The following DDHD1 variants were observed in gnomAD, a reference collection of about 807,000 sequenced individuals.
DDHD1 encodes the protein phospholipase DDHD1.
A neutral mutation model predicts 96.4 loss-of-function variants in DDHD1; 49 were observed. That is an observed-to-expected ratio of 0.51 (90% CI 0.40 to 0.64). The LOEUF (loss-of-function observed/expected upper bound fraction) is 0.64, where lower values mean the gene tolerates loss of function less well. DDHD1 is among the 30% of genes least tolerant of loss of function. The probability of loss-of-function intolerance (pLI) is 0.00; values close to 1 mark genes in which losing one functional copy is unlikely to be tolerated. For missense variants in DDHD1, 1,106 were observed against 1,161.2 expected, an observed-to-expected ratio of 0.95 and a Z score of 0.69; for synonymous variants, 442 against 446.5, an observed-to-expected ratio of 0.99 and a Z score of 0.13.
intron 6 of DDHD1, among the ~76,000 whole-genome samples, chr14:53,063,466 C>T (rs1341608934): frequency 6.6e-6 from 1 of 151,436 alleles, no homozygotes; most frequent in Non-Finnish European, 1.5e-5. Flanking sequence ...ACTGTATAAG[C>T]CAGCAGTTCC....
rs184336796 is a variant in DDHD1, at chr14:53,152,863, G to A, written c.236C>T (p.Ala79Val). ...CTCGTCACTGAGGCAGGGGTCCAGC[G>A]CGAGGTGGTGGTTGTGGTCGTCGGT... ...PGTDDHNHHL[A>V]LDPCLSDENY... Residue 79 changes from alanine to valine, a missense_variant, in exon 1 of 13, where the codon GCG becomes GTG. Ala to Val is a moderately conservative substitution (Grantham distance 64). This residue lies in a region of DDHD1 where 456 missense variants were observed against 402.4 expected (regional missense o/e 1.13). Coordinates refer to ENST00000673822, the MANE Select transcript of DDHD1 (RefSeq NM_001160148.2). 1.7e-5 allele frequency: 28 copies of A among 1,611,610 alleles called. No homozygotes were observed. Among genetic ancestry groups the A allele is most frequent in the Non-Finnish European group, 2.4e-5 (28 of 1,179,112 alleles).
intron 1 of DDHD1, among the ~76,000 whole-genome samples, chr14:53,139,843 C>CAA (rs56999105): frequency 9.5e-4 from 125 of 131,234 alleles, no homozygotes; most frequent in African/African-American, 3.4e-3. Flanking sequence ...CAAGAGACCA[C>CAA]AAAAAAAAAA....
At chr14:53,069,536 TA>T (rs1242696502) in intron 6 of DDHD1, among the ~76,000 whole-genome samples, 1 of 152,230 alleles carries the variant, frequency 6.6e-6, no homozygotes, top group Non-Finnish European at 1.5e-5. Flanking sequence ...TAGTATAGTG[TA>T]ACCATAATTT....
Position 53,068,589 on chromosome 14 carries a change from C to G in DDHD1, c.1503+4008G>C, listed in dbSNP as rs1037576977. On this transcript the variant is annotated intron_variant, in intron 6 of 12. Transcript: ENST00000673822. ...TTTACAGAATACAGTCTCATTGCTA[C>G]TTTTTATTACAACATCCTCATTTTG... Among the ~76,000 whole-genome samples, 18 of 152,206 alleles carry G rather than the reference C, an allele frequency of 1.2e-4. No individual in the cohort carries two copies. The East Asian group carries it at 2.1e-3, about 18-fold the overall frequency.
chr14:53,091,679 C>A, intron 4 of DDHD1, 106 bp downstream of exon 4: 1 of 1,241,008 alleles, frequency 8.1e-7, no homozygotes, highest in Non-Finnish European at 1.1e-6. Context: ...ATAGTTGGCA[C>A]TGGAGGAACA....
chr14:53,098,236 AATTT>A (rs1340086858), intron 2 of DDHD1, among the ~76,000 whole-genome samples: 2 of 152,116 alleles, frequency 1.3e-5, no homozygotes, highest in East Asian at 1.9e-4. Flanking sequence ...TGCAAATGCT[AATTT>A]ATTAGTGCTA....
chr14:53,139,575 G>A (rs561495189), intron 1 of DDHD1, among the ~76,000 whole-genome samples: 4 of 152,108 alleles, frequency 2.6e-5, no homozygotes, highest in South Asian at 2.1e-4. Context: ...AACGTCTAGC[G>A]AAATACAAGG....
intron 4 of DDHD1, among the ~76,000 whole-genome samples, chr14:53,090,826 C>A (rs983489687): frequency 2.0e-5 from 3 of 151,496 alleles, no homozygotes; most frequent in African/African-American, 7.3e-5. Flanking sequence ...ACATATGTAA[C>A]AATCCTGCAG....
At chr14:53,069,291 C>T (rs1884313791) in intron 6 of DDHD1, among the ~76,000 whole-genome samples, 1 of 152,108 alleles carries the variant, frequency 6.6e-6, no homozygotes, top group South Asian at 2.1e-4. Context: ...GGTGTCTTTG[C>T]TTATTGGCCA....
At chr14:53,076,970 GCTTA>G (rs1410908791) in intron 4 of DDHD1, among the ~76,000 whole-genome samples, 2 of 152,126 alleles carry the variant, frequency 1.3e-5, no homozygotes, top group African/African-American at 4.8e-5. Flanking sequence ...TGTGCAACTT[GCTTA>G]ATTATGATAT....
chr14:53,085,517 G>A (rs963628824), intron 4 of DDHD1, among the ~76,000 whole-genome samples: 5 of 152,180 alleles, frequency 3.3e-5, no homozygotes, highest in Admixed American at 3.3e-4. Context: ...GGTCTGGAGT[G>A]GACCTCCAGC....
chr14:53,123,154 A>T (rs1457624927), intron 1 of DDHD1, among the ~76,000 whole-genome samples: 1 of 131,244 alleles, frequency 7.6e-6, no homozygotes, highest in Non-Finnish European at 1.6e-5. Context: ...TATTATTATT[A>T]TTATTATTTT....
chr14:53,038,656 T>C lies in DDHD1; in HGVS notation c.*8112A>G, dbSNP rs1881432929. 6.6e-6 allele frequency: 1 copy of C among 151,742 alleles called. No individual in the cohort carries two copies. The highest frequency in any genetic ancestry group is 2.1e-4 in the South Asian group (1 of 4,816). The allele number at this position is 151,742 out of a possible 1,614,324, so 9.4% of individuals were successfully genotyped here. ...CTACCAACCTCATTTTTCACAGAGG[T>C]TGGAACATTTTCACAGAATTAGAAA... is the stretch of plus-strand genomic sequence containing the variant. On this transcript the variant is annotated 3_prime_UTR_variant, in exon 13 of 13. Transcript: ENST00000673822.
Position 53,054,528 on chromosome 14 carries a change from C to T in DDHD1, c.2347G>A (p.Asp783Asn). The T allele has an allele frequency of 6.2e-7, 1 of 1,614,134 alleles. No homozygotes were observed. The highest frequency in any genetic ancestry group is 8.5e-7 in the Non-Finnish European group (1 of 1,179,992). ...SSETSKDSME[D>N]EKKPVASPSA... ...GGTGAGGCAACTGGCTTCTTCTCAT[C>T]TTCCATTGAGTCTTTTGATGTTTCA... Residue 783 changes from aspartate to asparagine, a missense_variant, in exon 11 of 13, where the codon GAT becomes AAT. By Grantham distance (23) the Asp-to-Asn change is conservative (BLOSUM62 1). This residue lies in a region of DDHD1 where 650 missense variants were observed against 758.8 expected (regional missense o/e 0.86). Coordinates refer to ENST00000673822, the MANE Select transcript of DDHD1 (RefSeq NM_001160148.2).
intron 1 of DDHD1, among the ~76,000 whole-genome samples, chr14:53,149,534 C>A (rs1296930719): frequency 6.6e-6 from 1 of 152,064 alleles, no homozygotes; most frequent in African/African-American, 2.4e-5. Flanking sequence ...ACTTAAGAAA[C>A]CAATTAAAGT....
At chr14:53,069,768 C>A (rs186605404) in intron 6 of DDHD1, among the ~76,000 whole-genome samples, 1 of 152,128 alleles carries the variant, frequency 6.6e-6, no homozygotes, top group Non-Finnish European at 1.5e-5. Context: ...CACCCCCGCC[C>A]TGGGTTTATT....
intron 6 of DDHD1, among the ~76,000 whole-genome samples, chr14:53,064,227 T>C (rs1883833058): frequency 1.3e-5 from 2 of 152,078 alleles, no homozygotes. Flanking sequence ...TGATTTACAA[T>C]CTACATGAGG....
intron 4 of DDHD1, among the ~76,000 whole-genome samples, chr14:53,089,024 A>G (rs1886215986): frequency 6.6e-6 from 1 of 152,144 alleles, no homozygotes; most frequent in Non-Finnish European, 1.5e-5. Context: ...TTATAAACCA[A>G]TAACAGACAG....
rs1055656388 is a variant in DDHD1 at position 53,041,036 on chromosome 14, G to A, written c.*5732C>T. The A allele has an allele frequency of 2.0e-5, 3 of 151,976 alleles. No individual in the cohort carries two copies. Among genetic ancestry groups the A allele is most frequent in the African/African-American group, 7.3e-5 (3 of 41,362 alleles). 9.4% of individuals were successfully genotyped at this position (151,976 alleles called of 1,614,324 possible). ...TCAAAGGGAAACAAAAAGTTTGAGA[G>A]ATCAAGCAGGGACCGCAGTGGGTGT... On this transcript the variant is annotated 3_prime_UTR_variant, in exon 13 of 13. Transcript: ENST00000673822.
Sources: allele counts gnomAD v4.1 joint callset (sites outside exome capture counted in the v4.1 genomes callset), GRCh38; gene constraint gnomAD v4.1.1; regional missense constraint gnomAD v4.1.1; transcripts MANE v1.5; gene names NCBI Gene and HGNC (gene_info 2026-07-23, HGNC 2026-07-21).